Variants in SPIDR observed in about 807,000 individuals in gnomAD.
SPIDR encodes scaffold protein involved in DNA repair.
Under a neutral mutation model 104.6 loss-of-function variants are expected in SPIDR, and 93 were observed. The ratio of observed to expected loss-of-function variants is 0.89; its 90% CI spans 0.75 to 1.06. The LOEUF is 1.06. Among genes scored for constraint, SPIDR ranks in the 50% least tolerant of loss-of-function variants. The pLI, the probability that SPIDR is intolerant of heterozygous loss-of-function variation, is 0.00. For missense variants in SPIDR, 1,154 were observed against 1,111.2 expected, an observed-to-expected ratio of 1.04 and a Z score of -0.55; for synonymous variants, 431 against 416.9, an observed-to-expected ratio of 1.03 and a Z score of -0.41.
chr8:47,683,963 A>G (rs1350211547), intron 11 of SPIDR, among the ~76,000 whole-genome samples: 3 of 151,826 alleles, frequency 2.0e-5, no homozygotes, highest in Non-Finnish European at 4.4e-5. Flanking sequence ...CGTCTATACT[A>G]AAAATGCAAA....
intron 3 of SPIDR, among the ~76,000 whole-genome samples, chr8:47,287,448 C>T (rs1003489810): frequency 1.3e-5 from 2 of 152,022 alleles, no homozygotes; most frequent in Non-Finnish European, 2.9e-5. Flanking sequence ...TTTTCCCCAC[C>T]CTAATAAACC....
intron 10 of SPIDR, among the ~76,000 whole-genome samples, chr8:47,609,920 C>T (rs1278616961): frequency 2.0e-5 from 3 of 152,096 alleles, no homozygotes; most frequent in East Asian, 3.8e-4. Flanking sequence ...AATGGAATGG[C>T]AACAGCCTGG....
intron 5 of SPIDR, among the ~76,000 whole-genome samples, chr8:47,363,366 C>T (rs953427421): frequency 4.8e-4 from 73 of 151,498 alleles, no homozygotes; most frequent in Non-Finnish European, 6.5e-4. Flanking sequence ...CCGCTACTCC[C>T]GGCTAATTTT....
At chr8:47,521,264 C>CT (rs2084030963) in intron 8 of SPIDR, among the ~76,000 whole-genome samples, 1 of 152,108 alleles carries the variant, frequency 6.6e-6, no homozygotes, top group South Asian at 2.1e-4. Context: ...CTAGTAATAA[C>CT]TGTGTTTCAC....
chr8:47,436,570 A>T (rs2068361002), intron 7 of SPIDR, among the ~76,000 whole-genome samples: 1 of 152,084 alleles, frequency 6.6e-6, no homozygotes, highest in Admixed American at 6.6e-5. Context: ...AAAAAATAAG[A>T]AAATTAGCTG....
At chr8:47,691,373 G>A (rs1426460887) in intron 11 of SPIDR, among the ~76,000 whole-genome samples, 1 of 151,536 alleles carries the variant, frequency 6.6e-6, no homozygotes, top group Non-Finnish European at 1.5e-5. Context: ...GAAATGTTTC[G>A]TAAGTTCCCA....
intron 11 of SPIDR, 27 bp downstream of exon 11, chr8:47,673,968 A>G (rs749051114): frequency 5.0e-6 from 8 of 1,602,236 alleles, no homozygotes; most frequent in Admixed American, 1.7e-5. Context: ...ATGGCATCCA[A>G]TTTGCTACAA....
At chr8:47,421,705 G>A (rs1014278867) in intron 7 of SPIDR, among the ~76,000 whole-genome samples, 2 of 152,156 alleles carry the variant, frequency 1.3e-5, no homozygotes, top group African/African-American at 4.8e-5. Context: ...AGAATTTTTA[G>A]TTTTTCTGCT....
In SPIDR at chr8:47,412,802, C is replaced by T. The variant is rs368474469; in HGVS notation, c.877+4841C>T. Reference sequence around the variant, plus strand: ...GAATGACCTGGAACTGGAGTGACCACTGTTTCTTATAATCTACTTCCCTCC... The same window carrying T: ...GAATGACCTGGAACTGGAGTGACCATTGTTTCTTATAATCTACTTCCCTCC... On this transcript the variant is annotated intron_variant, in intron 7 of 19. Coordinates refer to ENST00000297423, the MANE Select transcript of SPIDR (RefSeq NM_001080394.4). Among the ~76,000 whole-genome samples the T allele has an allele frequency of 3.3e-5, 5 of 152,330 alleles. No individual in the cohort carries two copies. In the East Asian group the frequency reaches 9.6e-4, roughly 29 times the overall value.
intron 6 of SPIDR, among the ~76,000 whole-genome samples, chr8:47,403,211 A>G (rs1290381317): frequency 1.3e-5 from 2 of 152,262 alleles, no homozygotes; most frequent in African/African-American, 2.4e-5. Context: ...ATCTCAAAAT[A>G]ATAAGAGGTA....
At position 47,511,042 on chromosome 8, in the gene SPIDR, C is replaced by T; in HGVS notation, c.1097+70500C>T. ...CAGCTGCCTGGGCAGTTAGGTTCAC[C>T]ACTGCATGATGGCAGCATTGAGCAG... On this transcript the variant is annotated intron_variant, in intron 8 of 19. Transcript: ENST00000297423. The T allele has an allele frequency of 4.6e-6, 4 of 863,180 alleles. No individual in the cohort carries two copies. The South Asian group carries it at 5.4e-5, about 12-fold the overall frequency. The allele number at this position is 863,180 out of a possible 1,614,324, so 53.5% of individuals were successfully genotyped here.
chr8:47,320,297 C>G (rs1554593969), intron 5 of SPIDR, among the ~76,000 whole-genome samples: 1 of 152,116 alleles, frequency 6.6e-6, no homozygotes, highest in Non-Finnish European at 1.5e-5. Flanking sequence ...ATACAAACTA[C>G]CATCAGAGAA....
At chr8:47,534,850 G>GA (rs533042834) in intron 8 of SPIDR, among the ~76,000 whole-genome samples, 432 of 148,646 alleles carry the variant, frequency 2.9e-3, no homozygotes, top group African/African-American at 0.01. Flanking sequence ...AAAATCAACA[G>GA]AAAAAAAAAG....
chr8:47,269,771 T>A (rs1168549369), intron 1 of SPIDR, among the ~76,000 whole-genome samples: 1 of 152,156 alleles, frequency 6.6e-6, no homozygotes, highest in Non-Finnish European at 1.5e-5. Context: ...ATTTAACTAT[T>A]CTGTATGATG....
At position 47,297,906 on chromosome 8, in the gene SPIDR, C is replaced by T. The variant is rs886472253; in HGVS notation, c.525+3876C>T. Among the ~76,000 whole-genome samples the T allele has an allele frequency of 2.6e-5, 4 of 152,164 alleles. No homozygotes were observed. The South Asian group carries it at 6.2e-4, about 24-fold the overall frequency. ...AAGTCTTTGCTATTGTGAATAGTGCCGCAATAATCGTACGTGGGCATGTGT... is the reference window on the plus strand; with the variant it reads ...AAGTCTTTGCTATTGTGAATAGTGCTGCAATAATCGTACGTGGGCATGTGT... On this transcript the variant is annotated intron_variant, in intron 5 of 19. Coordinates refer to ENST00000297423, the MANE Select transcript of SPIDR (RefSeq NM_001080394.4).
chr8:47,267,314 G>A (rs1002118121), intron 1 of SPIDR, among the ~76,000 whole-genome samples: 2 of 152,070 alleles, frequency 1.3e-5, no homozygotes, highest in Non-Finnish European at 2.9e-5. Context: ...GTGAGCCATC[G>A]CACCTGGCCT....
At chr8:47,663,563 T>C (rs527531458) in intron 10 of SPIDR, among the ~76,000 whole-genome samples, 2 of 152,356 alleles carry the variant, frequency 1.3e-5, no homozygotes, top group Admixed American at 6.5e-5. Flanking sequence ...GACACTTACT[T>C]CATGGCTCTG....
chr8:47,409,427 A>T (rs1311420485), intron 7 of SPIDR, among the ~76,000 whole-genome samples: 2 of 152,036 alleles, frequency 1.3e-5, no homozygotes, highest in African/African-American at 4.8e-5. Context: ...AACAGTGCTG[A>T]TTTGGTAGTT....
At chr8:47,466,379 C>T (rs562765312) in intron 8 of SPIDR, among the ~76,000 whole-genome samples, 10 of 152,182 alleles carry the variant, frequency 6.6e-5, no homozygotes, top group African/African-American at 1.7e-4. Context: ...TGATCAAAAC[C>T]GTACAATTAC....
Sources: gnomAD v4.1 joint callset for allele counts (sites outside exome capture counted in the v4.1 genomes callset) on GRCh38, gnomAD v4.1.1 for gene constraint, MANE v1.5 for transcripts, NCBI Gene and HGNC (gene_info 2026-07-23, HGNC 2026-07-21) for gene names.